WIPF3: variants seen among roughly 807,000 people sequenced by gnomAD.
The protein encoded by WIPF3 is WAS/WASL interacting protein family member 3.
Under a neutral mutation model 38.9 loss-of-function variants are expected in WIPF3, and 33 were observed. That is an observed-to-expected ratio of 0.85 (90% CI 0.64 to 1.14). WIPF3 has a LOEUF of 1.14. WIPF3 is among the 50% of genes most tolerant of loss of function. The probability of loss-of-function intolerance (pLI) is 0.00; values close to 1 mark genes in which losing one functional copy is unlikely to be tolerated. For missense variants in WIPF3, 711 were observed against 652.5 expected, an observed-to-expected ratio of 1.09 and a Z score of -0.98; for synonymous variants, 324 against 269.3, an observed-to-expected ratio of 1.20 and a Z score of -1.99.
At chr7:29,840,202 C>A (rs894367761) in intron 2 of WIPF3, among the ~76,000 whole-genome samples, 2 of 152,194 alleles carry the variant, frequency 1.3e-5, no homozygotes, top group African/African-American at 4.8e-5. Context: ...CTTCTCCTCT[C>A]GAGAACTTCC....
intron 2 of WIPF3, among the ~76,000 whole-genome samples, chr7:29,873,315 ATAT>A (rs1785531229): frequency 6.6e-6 from 1 of 152,174 alleles, no homozygotes; most frequent in Non-Finnish European, 1.5e-5. Flanking sequence ...TGGGCTGTGA[ATAT>A]TATTATAATT....
intron 2 of WIPF3, among the ~76,000 whole-genome samples, chr7:29,852,034 CTT>C (rs1417280143): frequency 1.3e-5 from 2 of 151,796 alleles, no homozygotes; most frequent in African/African-American, 4.8e-5. Context: ...GGGAGTCTTG[CTT>C]TGTTACCCAG....
At chr7:29,875,057 CA>C (rs1469270022) in intron 2 of WIPF3, among the ~76,000 whole-genome samples, 7 of 152,242 alleles carry the variant, frequency 4.6e-5, no homozygotes, top group African/African-American at 1.7e-4. Context: ...TTTAAACGCA[CA>C]AGGTCTTGTG....
At chr7:29,870,419 G>A (rs1183390885) in intron 2 of WIPF3, among the ~76,000 whole-genome samples, 1 of 152,196 alleles carries the variant, frequency 6.6e-6, no homozygotes, top group African/African-American at 2.4e-5. Flanking sequence ...GGCAGCGATG[G>A]AGAAGAGGTG....
At chr7:29,870,957 CAAA>C (rs397736411) in intron 2 of WIPF3, among the ~76,000 whole-genome samples, 2 of 132,936 alleles carry the variant, frequency 1.5e-5, no homozygotes, top group African/African-American at 3.0e-5. Flanking sequence ...ACCCCATCTC[CAAA>C]AAAAAAAAAA....
At chr7:29,807,567 G>C (rs956478074) in intron 1 of WIPF3, among the ~76,000 whole-genome samples, 3 of 152,242 alleles carry the variant, frequency 2.0e-5, no homozygotes, top group Admixed American at 1.3e-4. Context: ...TGCCAGCCGC[G>C]TGGGTGTGCC....
chr7:29,871,143 C>T (rs1785489895), intron 2 of WIPF3, among the ~76,000 whole-genome samples: 1 of 152,274 alleles, frequency 6.6e-6, no homozygotes, highest in Middle Eastern at 3.4e-3. Flanking sequence ...CTGTGTCAGA[C>T]CTGACAGGAG....
chr7:29,837,727 T>C (rs1278063462), intron 2 of WIPF3, among the ~76,000 whole-genome samples: 4 of 152,218 alleles, frequency 2.6e-5, no homozygotes, highest in Non-Finnish European at 5.9e-5. Context: ...TTAACGTCTT[T>C]AGCATATAAA....
intron 2 of WIPF3, among the ~76,000 whole-genome samples, chr7:29,841,874 T>C (rs1784918478): frequency 6.6e-6 from 1 of 152,202 alleles, no homozygotes; most frequent in Admixed American, 6.5e-5. Flanking sequence ...CCACTTAAAA[T>C]TAAATTATTA....
chr7:29,837,201 A>G (rs545983164), intron 2 of WIPF3, among the ~76,000 whole-genome samples: 87 of 151,346 alleles, frequency 5.7e-4, no homozygotes, highest in African/African-American at 2.0e-3. Flanking sequence ...TAAAAATACA[A>G]AAAAATTAGC....
chr7:29,860,026 G>A (rs983556434), intron 2 of WIPF3, among the ~76,000 whole-genome samples: 1 of 152,186 alleles, frequency 6.6e-6, no homozygotes, highest in African/African-American at 2.4e-5. Context: ...GGCATCTGTA[G>A]TGTGTGGGTG....
chr7:29,820,832 G>A (rs1372574487), intron 1 of WIPF3, among the ~76,000 whole-genome samples: 1 of 152,086 alleles, frequency 6.6e-6, no homozygotes, highest in Non-Finnish European at 1.5e-5. Flanking sequence ...AACTTTAAAG[G>A]TATTATGCTT....
chr7:29,816,831 A>G (rs1583588913), intron 1 of WIPF3, among the ~76,000 whole-genome samples: 1 of 152,296 alleles, frequency 6.6e-6, no homozygotes, highest in East Asian at 1.9e-4. Flanking sequence ...TATTAAAACA[A>G]ATGCTGCAAG....
intron 2 of WIPF3, among the ~76,000 whole-genome samples, chr7:29,850,072 G>A (rs191215777): frequency 6.6e-6 from 1 of 152,236 alleles, no homozygotes; most frequent in East Asian, 1.9e-4. Flanking sequence ...ATGCCTTTTG[G>A]GTCATCAGAA....
intron 5 of WIPF3, among the ~76,000 whole-genome samples, chr7:29,887,789 A>G (rs996493250): frequency 6.6e-6 from 1 of 152,200 alleles, no homozygotes; most frequent in Non-Finnish European, 1.5e-5. Context: ...CACTCAACTT[A>G]AATTCAACTC....
chr7:29,910,839 T>C (rs1394883142), intron 8 of WIPF3, among the ~76,000 whole-genome samples: 1 of 152,210 alleles, frequency 6.6e-6, no homozygotes, highest in Non-Finnish European at 1.5e-5. Context: ...TGAAAGCTTT[T>C]GCTTTAAGAT....
Position 29,875,902 on chromosome 7 carries a change from C to A in WIPF3, c.163C>A (p.Gln55Lys). The A allele has an allele frequency of 6.2e-7, 1 of 1,614,080 alleles. No individual in the cohort carries two copies. Among genetic ancestry groups the A allele is most frequent in the Non-Finnish European group, 8.5e-7 (1 of 1,179,908 alleles). ...GAGTGCGCTGTTGGCTGATATCCAG[C>A]AAGGAACTCGCCTGCGCAAAGTCAC... ...GRSALLADIQQGTRLRKVTQI... is the reference protein window; with the variant it reads ...GRSALLADIQKGTRLRKVTQI... The change falls in exon 3 of 9, where the codon CAA becomes AAA. Residue 55 changes from glutamine (Q) to lysine (K), a missense_variant. Transcript: ENST00000242140.
chr7:29,834,540 C>T (rs929859338), intron 1 of WIPF3, 128 bp from the exon 2 acceptor site: 5 of 890,218 alleles, frequency 5.6e-6, no homozygotes, highest in South Asian at 5.0e-5. Flanking sequence ...AATGAATGAA[C>T]AAATGAGTGA....
rs1243104051 is a variant in WIPF3, at chr7:29,884,185, C to A, written c.691C>A (p.Pro231Thr). Residue 231 changes from proline (P) to threonine (T), a missense_variant, in exon 5 of 9, where the codon CCC (proline) becomes ACC (threonine). Pro to Thr is a conservative substitution (Grantham distance 38, BLOSUM62 -1). Transcript: ENST00000242140. Reference sequence around the variant, plus strand: ...GCCACCACCTCCACCTCCGCCACCTCCCCCAACGCCACCCCCGCTGCCCCC... The same window carrying A: ...GCCACCACCTCCACCTCCGCCACCTACCCCAACGCCACCCCCGCTGCCCCC... ...CAPPPPPPPP[P>T]PTPPPLPPAS... is the part of the protein sequence containing the mutation. 9 of 1,515,568 alleles carry A rather than the reference C, an allele frequency of 5.9e-6. No individual in the cohort carries two copies. The highest frequency in any genetic ancestry group is 1.2e-5 in the South Asian group (1 of 80,444). 93.9% of individuals were successfully genotyped at this position (1,515,568 alleles called of 1,614,324 possible).
Sources: gnomAD v4.1 joint callset for allele counts (sites outside exome capture counted in the v4.1 genomes callset) on GRCh38, gnomAD v4.1.1 for gene constraint, MANE v1.5 for transcripts, NCBI Gene and HGNC (gene_info 2026-07-23, HGNC 2026-07-21) for gene names.